The following MDFIC variants were observed in gnomAD, a reference collection of about 807,000 sequenced individuals.
The protein encoded by MDFIC is MyoD family inhibitor domain containing.
In MDFIC, 17 loss-of-function variants were observed where a neutral mutation model predicts 23.2. The ratio of observed to expected loss-of-function variants is 0.73; its 90% CI spans 0.50 to 1.10. The LOEUF is 1.10. Among genes scored for constraint, MDFIC ranks in the 50% least tolerant of loss-of-function variants. The pLI is 0.00. For missense variants in MDFIC, 356 were observed against 316.6 expected, an observed-to-expected ratio of 1.12 and a Z score of -0.95; for synonymous variants, 120 against 115.2, an observed-to-expected ratio of 1.04 and a Z score of -0.27.
At chr7:114,958,548 C>T (rs1002153303) in intron 3 of MDFIC, among the ~76,000 whole-genome samples, 22 of 152,216 alleles carry the variant, frequency 1.4e-4, no homozygotes, top group East Asian at 5.8e-4. Flanking sequence ...GTCAGGAGTT[C>T]GAGACCAGCC....
intron 3 of MDFIC, among the ~76,000 whole-genome samples, chr7:114,960,741 G>A (rs1792974321): frequency 1.3e-5 from 2 of 151,996 alleles, no homozygotes; most frequent in Admixed American, 6.6e-5. Flanking sequence ...TGTTCAACAT[G>A]CAGATTCAAT....
At chr7:114,927,025 C>T (rs901851532) in intron 2 of MDFIC, among the ~76,000 whole-genome samples, 14 of 152,034 alleles carry the variant, frequency 9.2e-5, no homozygotes, top group African/African-American at 3.4e-4. Flanking sequence ...GGGGGTGCTA[C>T]TAGCATCTAG....
At chr7:114,978,492 C>T (rs1365479793) in intron 3 of MDFIC, among the ~76,000 whole-genome samples, 6 of 151,856 alleles carry the variant, frequency 4.0e-5, no homozygotes, top group East Asian at 3.8e-4. Context: ...TTCCAAAATA[C>T]GTATAGCATC....
At chr7:114,926,990 T>C (rs1792203934) in intron 2 of MDFIC, among the ~76,000 whole-genome samples, 1 of 152,192 alleles carries the variant, frequency 6.6e-6, no homozygotes, top group African/African-American at 2.4e-5. Context: ...TGGCAATATC[T>C]ACAGGCATGT....
intron 4 of MDFIC, among the ~76,000 whole-genome samples, chr7:114,992,568 T>G (rs1791197700): frequency 6.6e-6 from 1 of 152,100 alleles, no homozygotes; most frequent in Admixed American, 6.6e-5. Flanking sequence ...AAGGGCTGTT[T>G]AATTTTTCAA....
At chr7:115,005,923 T>C (rs1462197536) in intron 4 of MDFIC, among the ~76,000 whole-genome samples, 2 of 152,204 alleles carry the variant, frequency 1.3e-5, no homozygotes, top group Non-Finnish European at 2.9e-5. Context: ...AGGATTTACC[T>C]CCTGTGCACT....
chr7:114,963,479 G>C (rs1335840414), intron 3 of MDFIC, among the ~76,000 whole-genome samples: 3 of 152,122 alleles, frequency 2.0e-5, no homozygotes, highest in African/African-American at 7.2e-5. Context: ...TTGTTGAAAT[G>C]CCATTCCTTG....
At position 114,953,661 on chromosome 7, in the gene MDFIC, C is replaced by T. The variant is rs187186670; in HGVS notation, c.217+11264C>T. 7.9e-5 allele frequency among the ~76,000 whole-genome samples: 12 copies of T among 152,302 alleles called. No homozygotes were observed. The East Asian group carries it at 2.3e-3, about 29-fold the overall frequency. ...CCACTTTCTAGCTATGTGATCTCTA[C>T]TACAGTTGTCCCTTCGGTATCCATG... is the stretch of plus-strand genomic sequence containing the variant. On this transcript the variant is annotated intron_variant, in intron 3 of 4. Coordinates refer to ENST00000393486, the MANE Select transcript of MDFIC (RefSeq NM_001166345.3).
At chr7:115,013,397 A>G (rs891720957) in intron 4 of MDFIC, among the ~76,000 whole-genome samples, 3 of 152,188 alleles carry the variant, frequency 2.0e-5, no homozygotes, top group Non-Finnish European at 4.4e-5. Context: ...ATATAGTTCT[A>G]TGTCTGATAA....
intron 2 of MDFIC, among the ~76,000 whole-genome samples, chr7:114,932,141 G>A (rs1325582307): frequency 6.6e-6 from 1 of 152,162 alleles, no homozygotes; most frequent in Non-Finnish European, 1.5e-5. Context: ...AAGTATAGGA[G>A]TTTACAATAT....
intron 4 of MDFIC, among the ~76,000 whole-genome samples, chr7:115,015,457 G>A (rs1172209943): frequency 3.3e-5 from 5 of 152,056 alleles, no homozygotes; most frequent in African/African-American, 9.7e-5. Flanking sequence ...GTGAACACAT[G>A]TGCGTACACA....
At chr7:114,934,855 T>C (rs906177640) in intron 2 of MDFIC, among the ~76,000 whole-genome samples, 3 of 152,038 alleles carry the variant, frequency 2.0e-5, no homozygotes, top group Non-Finnish European at 1.5e-5. Context: ...TTTTAATCCA[T>C]TTTAGAATGT....
Position 114,922,752 on chromosome 7 carries a change from G to A in MDFIC, c.-108+116G>A, listed in dbSNP as rs1017166951. On this transcript the variant is annotated intron_variant, in intron 1 of 4. Transcript: ENST00000393486. ...CCGCTGGGTCCACCTCGGACCCCTG[G>A]GACCCCGCCGCTGTCAACTTGCGCT... is the stretch of plus-strand genomic sequence containing the variant. The A allele has an allele frequency of 5.0e-5, 66 of 1,311,204 alleles. 1 individual carries two copies. The African/African-American group carries it at 9.3e-4, about 18-fold the overall frequency. The allele number at this position is 1,311,204 out of a possible 1,614,324, so 81.2% of individuals were successfully genotyped here.
At chr7:114,978,989 T>C (rs944148954) in intron 3 of MDFIC, among the ~76,000 whole-genome samples, 2 of 152,210 alleles carry the variant, frequency 1.3e-5, no homozygotes, top group Non-Finnish European at 2.9e-5. Context: ...GATTTTCTTC[T>C]GCAGGATTCA....
intron 3 of MDFIC, among the ~76,000 whole-genome samples, chr7:114,946,595 T>A (rs1311222234): frequency 2.0e-5 from 3 of 152,234 alleles, no homozygotes; most frequent in African/African-American, 7.2e-5. Context: ...ATTCCCATGA[T>A]CTGAAGCAAA....
chr7:114,976,633 A>G (rs562769819), intron 3 of MDFIC, among the ~76,000 whole-genome samples: 5 of 152,268 alleles, frequency 3.3e-5, no homozygotes, highest in African/African-American at 1.2e-4. Context: ...AAACGGTAAC[A>G]GGATGTTCTA....
At chr7:114,992,210 A>C (rs1182632658) in intron 4 of MDFIC, among the ~76,000 whole-genome samples, 1 of 152,174 alleles carries the variant, frequency 6.6e-6, no homozygotes, top group Non-Finnish European at 1.5e-5. Context: ...TTATCCTGAG[A>C]CTTTGCTGAA....
intron 2 of MDFIC, chr7:114,923,646 T>C (rs1792135870): frequency 7.0e-7 from 1 of 1,428,620 alleles, no homozygotes; most frequent in Non-Finnish European, 9.2e-7. Context: ...ATAAACAAGG[T>C]TTATAAGAAA....
At chr7:114,977,356 C>T (rs1439988042) in intron 3 of MDFIC, among the ~76,000 whole-genome samples, 1 of 152,076 alleles carries the variant, frequency 6.6e-6, no homozygotes, top group East Asian at 1.9e-4. Flanking sequence ...TCCATCCATT[C>T]AGTAGGGCTG....
Sources: gnomAD v4.1 joint callset for allele counts (sites outside exome capture counted in the v4.1 genomes callset) on GRCh38, gnomAD v4.1.1 for gene constraint, MANE v1.5 for transcripts, NCBI Gene and HGNC (gene_info 2026-07-23, HGNC 2026-07-21) for gene names.